FCN2: variants seen among roughly 807,000 people sequenced by gnomAD.
FCN2 encodes ficolin 2.
In FCN2, 31 loss-of-function variants were observed where a neutral mutation model predicts 32.5. The ratio of observed to expected loss-of-function variants is 0.96; its 90% CI spans 0.72 to 1.29. FCN2 has a LOEUF of 1.29. Among genes scored for constraint, FCN2 ranks in the 50% most tolerant of loss-of-function variants. The probability of loss-of-function intolerance (pLI) is 0.00; values close to 1 mark genes in which losing one functional copy is unlikely to be tolerated. For missense variants in FCN2, 412 were observed against 406.5 expected (o/e 1.01, Z -0.12); for synonymous variants, 181 against 164.5 (o/e 1.10, Z -0.77).
chr9:134,874,003 C>T, the FCN2 span, among the ~76,000 whole-genome samples: 15 of 151,702 alleles, frequency 9.9e-5, no homozygotes, highest in Non-Finnish European at 2.1e-4. Flanking sequence ...CTCCACCTCC[C>T]GGGTTCAAGT....
chr9:134,875,310 C>T, the FCN2 span, among the ~76,000 whole-genome samples: 1 of 152,216 alleles, frequency 6.6e-6, no homozygotes, highest in African/African-American at 2.4e-5. Context: ...GTGATGTGAA[C>T]TGTGGGTTTT....
intron 2 of FCN2, 70 bp downstream of exon 2, chr9:134,882,709 C>T (rs1588643083): frequency 1.9e-6 from 2 of 1,067,974 alleles, no homozygotes; most frequent in African/African-American, 1.5e-5. Flanking sequence ...TTGGGCAACA[C>T]CCCCACCATG....
Position 134,883,365 on chromosome 9 carries a change from G to C in FCN2, c.268+10G>C. 2 of 1,612,790 alleles carry C rather than the reference G, an allele frequency of 1.2e-6. No homozygotes were observed. The highest frequency in any genetic ancestry group is 1.7e-6 in the Non-Finnish European group (2 of 1,178,918). ...CCACCTGGGCCCAACGGTAAGGAGG[G>C]GACAAGAGTGAGAAGCGGCTTCAAG... On this transcript the variant is annotated intron_variant, in intron 3 of 7. Coordinates refer to ENST00000291744, the MANE Select transcript of FCN2 (RefSeq NM_004108.3).
rs370376987 is a variant in FCN2 at position 134,887,440 on chromosome 9, C to T, written c.*25C>T. The T allele has an allele frequency of 1.9e-5, 31 of 1,611,884 alleles. No homozygotes were observed. Among genetic ancestry groups the T allele is most frequent in the African/African-American group, 8.0e-5 (6 of 74,874 alleles). On this transcript the variant is annotated 3_prime_UTR_variant, in exon 8 of 8. Coordinates refer to ENST00000291744, the MANE Select transcript of FCN2 (RefSeq NM_004108.3). ...GCCCAGGCCGGCCTCAGGGTCAGGA[C>T]GCCTCCACACATAGTTGGTTGGGGG...
At chr9:134,876,468 C>T (rs781119213), upstream of FCN2, among the ~76,000 whole-genome samples, 1 of 152,112 alleles carries the variant, frequency 6.6e-6, no homozygotes, top group African/African-American at 2.4e-5. Context: ...CTTGTCTGTT[C>T]CATTGGTCTA....
upstream of FCN2, among the ~76,000 whole-genome samples, chr9:134,876,074 A>G (rs1210992978): frequency 2.6e-5 from 4 of 152,164 alleles, no homozygotes; most frequent in Non-Finnish European, 5.9e-5. Flanking sequence ...AAGCTAGAGA[A>G]TTACATTGAT....
the FCN2 span, among the ~76,000 whole-genome samples, chr9:134,864,946 G>A: frequency 1.3e-5 from 2 of 152,198 alleles, no homozygotes; most frequent in Non-Finnish European, 2.9e-5. Flanking sequence ...GTCTCCCCGG[G>A]GCCGAATCCT....
the FCN2 span, among the ~76,000 whole-genome samples, chr9:134,872,467 G>C: frequency 2.0e-5 from 3 of 152,208 alleles, no homozygotes; most frequent in African/African-American, 7.2e-5. Context: ...TGGCTGGATT[G>C]TACGATAGGT....
chr9:134,869,654 G>A, the FCN2 span, among the ~76,000 whole-genome samples: 1 of 152,256 alleles, frequency 6.6e-6, no homozygotes, highest in Non-Finnish European at 1.5e-5. Flanking sequence ...CTCTCCAGGT[G>A]GAAATGCTGG....
chr9:134,886,221 G>A (rs529243818), intron 6 of FCN2, among the ~76,000 whole-genome samples: 186 of 152,258 alleles, frequency 1.2e-3, no homozygotes, highest in Admixed American at 2.5e-3. Flanking sequence ...CCTCTAATCC[G>A]CTAGGATTTG....
chr9:134,880,724 G>A (rs1025557870), upstream of FCN2: 17 of 953,064 alleles, frequency 1.8e-5, no homozygotes, highest in Middle Eastern at 4.2e-4. Flanking sequence ...GAGAGGAAGC[G>A]GCTGTCACTC....
the FCN2 span, among the ~76,000 whole-genome samples, chr9:134,867,738 C>A: frequency 2.0e-5 from 3 of 151,728 alleles, no homozygotes; most frequent in African/African-American, 7.3e-5. Flanking sequence ...TGTCCTTGGA[C>A]CCCACACTGC....
intron 6 of FCN2, 90 bp from the exon 7 acceptor site, chr9:134,886,340 C>G (rs1830754808): frequency 2.0e-6 from 3 of 1,505,148 alleles, no homozygotes; most frequent in Non-Finnish European, 2.8e-6. Context: ...GGAGTCCAGA[C>G]CTCCTTCCAG....
the FCN2 span, among the ~76,000 whole-genome samples, chr9:134,874,601 C>A: frequency 0.035 from 5,274 of 152,222 alleles, 386 homozygotes; most frequent in East Asian, 0.3. Context: ...CAACCATTTT[C>A]TTGATAGTGA....
upstream of FCN2, among the ~76,000 whole-genome samples, chr9:134,879,154 T>A (rs943089772): frequency 1.3e-5 from 2 of 152,224 alleles, no homozygotes; most frequent in African/African-American, 4.8e-5. Flanking sequence ...ATTCAATAGT[T>A]TATATGAATT....
chr9:134,872,265 G>C, the FCN2 span, among the ~76,000 whole-genome samples: 1 of 152,096 alleles, frequency 6.6e-6, no homozygotes, highest in Admixed American at 6.5e-5. Flanking sequence ...GACCACAGCT[G>C]TGTATCCGAT....
chr9:134,882,583 C>T lies in FCN2; in HGVS notation c.158C>T (p.Pro53Leu), dbSNP rs138198736. ...AAGCTCACCATTCTCCGAGGCTGTC[C>T]GGGGCTGCCTGGGGCCCCTGGGCCC... ...SDKLTILRGC[P>L]GLPGAPGPKG... is the part of the protein sequence containing the mutation. Residue 53 changes from proline (P) to leucine (L), a missense_variant, in exon 2 of 8, where the codon CCG becomes CTG. Physicochemically the swap from Pro to Leu is moderately conservative, Grantham distance 98. Coordinates refer to ENST00000291744, the MANE Select transcript of FCN2 (RefSeq NM_004108.3). 8.7e-5 allele frequency: 140 copies of T among 1,614,002 alleles called. No homozygotes were observed. The highest frequency in any genetic ancestry group is 6.7e-5 in the Admixed American group (4 of 60,004).
intron 1 of FCN2, 149 bp downstream of exon 1, chr9:134,881,070 T>C (rs1830656820): frequency 2.9e-6 from 2 of 690,250 alleles, no homozygotes; most frequent in Non-Finnish European, 2.6e-6. Flanking sequence ...CCTCATCTTA[T>C]GTGAACAAAC....
chr9:134,881,629 C>T (rs530281891), intron 1 of FCN2, among the ~76,000 whole-genome samples: 1 of 152,092 alleles, frequency 6.6e-6, no homozygotes, highest in South Asian at 2.1e-4. Flanking sequence ...TGCAGAGATT[C>T]GTGTCAGGAT....
Sources: allele counts gnomAD v4.1 joint callset (sites outside exome capture counted in the v4.1 genomes callset), GRCh38; gene constraint gnomAD v4.1.1; transcripts MANE v1.5; gene names NCBI Gene and HGNC (gene_info 2026-07-23, HGNC 2026-07-21).